SVOPL: variants seen among roughly 807,000 people sequenced by gnomAD.
SVOPL encodes putative transporter SVOPL.
A neutral mutation model predicts 61.0 loss-of-function variants in SVOPL; 60 were observed. The ratio of observed to expected loss-of-function variants is 0.98; its 90% CI spans 0.80 to 1.22. The LOEUF (loss-of-function observed/expected upper bound fraction) is 1.22, where lower values mean the gene tolerates loss of function less well. Among genes scored for constraint, SVOPL ranks in the 50% most tolerant of loss-of-function variants. The probability of loss-of-function intolerance (pLI) is 0.00; values close to 1 mark genes in which losing one functional copy is unlikely to be tolerated. For synonymous variants in SVOPL, 279 were observed against 250.0 expected (o/e 1.12, Z -1.09); for missense variants, 662 against 643.9 (o/e 1.03, Z -0.30).
chr7:138,628,189 G>A lies in SVOPL; in HGVS notation c.1038C>T (p.Thr346=), dbSNP rs749358550. The A allele has an allele frequency of 1.2e-5, 19 of 1,614,058 alleles. No homozygotes were observed. Among genetic ancestry groups the A allele is most frequent in the Admixed American group, 6.7e-5 (4 of 59,980 alleles). The part of the protein sequence containing the change: ...CHMFAPSDYR[T]MIISTIGEIA... Reference sequence around the variant, plus strand: ...TTTCACCGATGGTGCTGATGATCATGGTCCGATAGTCAGAGGGTGCAAACA... The same window carrying A: ...TTTCACCGATGGTGCTGATGATCATAGTCCGATAGTCAGAGGGTGCAAACA... Residue 346 remains threonine (T), a synonymous_variant, in exon 11 of 16, where the codon ACC becomes ACT. Transcript: ENST00000674285.
intron 4 of SVOPL, chr7:138,664,177 C>G (rs1267166086): frequency 3.1e-6 from 3 of 961,236 alleles, no homozygotes; most frequent in Non-Finnish European, 3.7e-6. Context: ...TCTTGTGCAC[C>G]CTACCCTGCC....
At chr7:138,672,257 T>C (rs953320020) in intron 3 of SVOPL, 140 bp from the exon 4 acceptor site, 21 of 691,900 alleles carry the variant, frequency 3.0e-5, no homozygotes, top group Non-Finnish European at 5.1e-5. Context: ...ATACCCACAC[T>C]GCACTGCTAG....
In SVOPL at chr7:138,648,660, G is replaced by A. The variant is rs540512382; in HGVS notation, c.660+352C>T. On this transcript the variant is annotated intron_variant, in intron 8 of 15. Coordinates refer to ENST00000674285, the MANE Select transcript of SVOPL (RefSeq NM_001139456.2). ...GAGGCGGAGCTTGCAGTGAGCCGAG[G>A]TCGCGCCACTGCACTCCAGCCTGGG... Among the ~76,000 whole-genome samples the A allele has an allele frequency of 5.3e-5, 8 of 151,626 alleles. No homozygotes were observed. In the East Asian group the frequency reaches 1.6e-3, roughly 30 times the overall value.
intron 11 of SVOPL, among the ~76,000 whole-genome samples, chr7:138,627,841 T>C (rs1799961407): frequency 6.6e-6 from 1 of 152,176 alleles, no homozygotes; most frequent in East Asian, 1.9e-4. Flanking sequence ...TCATTTTATG[T>C]CTACTAAAAT....
At chr7:138,685,780 GAGAA>G (rs1802795951) in intron 1 of SVOPL, among the ~76,000 whole-genome samples, 3 of 152,068 alleles carry the variant, frequency 2.0e-5, no homozygotes, top group East Asian at 3.9e-4. Context: ...CCTGAGGCAG[GAGAA>G]TCACTTAAAC....
intron 14 of SVOPL, among the ~76,000 whole-genome samples, chr7:138,601,422 C>T (rs534398128): frequency 2.2e-4 from 33 of 151,252 alleles, no homozygotes; most frequent in South Asian, 4.2e-4. Flanking sequence ...AAGAAGAGTC[C>T]GCCTTGAAAA....
At chr7:138,658,876 G>GCCCCAA (rs915527462) in intron 6 of SVOPL, among the ~76,000 whole-genome samples, 8 of 94,092 alleles carry the variant, frequency 8.5e-5, no homozygotes, top group African/African-American at 1.2e-4. Context: ...GTGCCCCCCC[G>GCCCCAA]CCCCAACCCC....
intron 9 of SVOPL, among the ~76,000 whole-genome samples, chr7:138,634,958 T>C (rs1189748660): frequency 1.3e-5 from 2 of 151,962 alleles, no homozygotes; most frequent in Non-Finnish European, 2.9e-5. Flanking sequence ...AGCGAGAACC[T>C]GTCTCAGAAA....
At position 138,663,111 on chromosome 7, in the gene SVOPL, A is replaced by T. The variant is rs1226938582; in HGVS notation, c.308T>A (p.Leu103His). Residue 103 changes from leucine (L) to histidine (H), a missense_variant, in exon 5 of 16, where the codon CTC (leucine) becomes CAC (histidine). Physicochemically the swap from Leu to His is moderately conservative, Grantham distance 99. Transcript: ENST00000674285. ...ATATCTGTCAGCCAGGAGGCCAAAGAGGATACTGAAAACCATGTAGCCAAA... is the reference window on the plus strand; with the variant it reads ...ATATCTGTCAGCCAGGAGGCCAAAGTGGATACTGAAAACCATGTAGCCAAA... ...VFFGYMVFSI[L>H]FGLLADRYGR... The T allele has an allele frequency of 6.2e-7, 1 of 1,614,068 alleles. No individual in the cohort carries two copies. The highest frequency in any genetic ancestry group is 8.5e-7 in the Non-Finnish European group (1 of 1,180,048).
At position 138,599,171 on chromosome 7, in the gene SVOPL, A is replaced by C. The variant is rs553390800; in HGVS notation, c.1354-2641T>G. Among the ~76,000 whole-genome samples, 273 of 148,598 alleles carry C rather than the reference A, an allele frequency of 1.8e-3. 2 individuals carry two copies. The highest frequency in any genetic ancestry group is 6.5e-3 in the African/African-American group (262 of 40,200). On this transcript the variant is annotated intron_variant, in intron 14 of 15. Coordinates refer to ENST00000674285, the MANE Select transcript of SVOPL (RefSeq NM_001139456.2). ...AAAAAAAAAAAACCAAAAAAAAAAGAAATACAGAAATGTCAAAAGACAAAT... is the reference window on the plus strand; with the variant it reads ...AAAAAAAAAAAACCAAAAAAAAAAGCAATACAGAAATGTCAAAAGACAAAT...
intron 14 of SVOPL, among the ~76,000 whole-genome samples, chr7:138,603,235 G>A (rs1257045584): frequency 6.6e-6 from 1 of 152,138 alleles, no homozygotes; most frequent in Non-Finnish European, 1.5e-5. Context: ...GAAACAAGCA[G>A]GCTTCCAAAT....
intron 8 of SVOPL, among the ~76,000 whole-genome samples, chr7:138,645,176 C>T (rs868356321): frequency 1.3e-5 from 2 of 152,068 alleles, no homozygotes; most frequent in African/African-American, 4.8e-5. Flanking sequence ...CTCTCCACCC[C>T]CTCCCCCTCT....
At chr7:138,656,356 G>T (rs1277909837) in intron 7 of SVOPL, 92 bp downstream of exon 7, 2 of 1,315,332 alleles carry the variant, frequency 1.5e-6, no homozygotes, top group Admixed American at 1.9e-5. Flanking sequence ...CAGCGAGCTG[G>T]TACCAAACCA....
chr7:138,673,716 G>A (rs548161739), intron 3 of SVOPL, among the ~76,000 whole-genome samples: 1 of 152,304 alleles, frequency 6.6e-6, no homozygotes, highest in East Asian at 1.9e-4. Context: ...AGAAGAGCTA[G>A]ATCCATATTC....
chr7:138,685,418 T>C (rs1222777310), intron 1 of SVOPL, among the ~76,000 whole-genome samples: 3 of 152,140 alleles, frequency 2.0e-5, no homozygotes, highest in South Asian at 4.1e-4. Flanking sequence ...GAATAGTGGA[T>C]GCCATTCTGA....
intron 1 of SVOPL, among the ~76,000 whole-genome samples, chr7:138,697,693 G>A (rs1237262473): frequency 6.7e-6 from 1 of 148,612 alleles, no homozygotes; most frequent in Non-Finnish European, 1.5e-5. Context: ...AGAGGAAGAA[G>A]AAGAGGAAGA....
At chr7:138,626,242 C>A in intron 12 of SVOPL, 192 bp from the exon 13 acceptor site, 2 of 593,948 alleles carry the variant, frequency 3.4e-6, no homozygotes, top group East Asian at 2.9e-5. Context: ...ACTCCCACTG[C>A]CTTCTCCATT....
In SVOPL at chr7:138,688,505, A is replaced by G. The variant is rs200588091; in HGVS notation, c.-34-9426T>C. Among the ~76,000 whole-genome samples the G allele has an allele frequency of 4.6e-5, 7 of 152,228 alleles. No homozygotes were observed. In the East Asian group the frequency reaches 1.2e-3, roughly 25 times the overall value. ...GGCTGGTCTTGAACTCCTGACCTCC[A>G]GTGGTCCACCTGCCTTGGCCTCCCA... is the stretch of plus-strand genomic sequence containing the variant. On this transcript the variant is annotated intron_variant, in intron 1 of 15. Coordinates refer to ENST00000674285, the MANE Select transcript of SVOPL (RefSeq NM_001139456.2).
At chr7:138,694,502 T>G (rs1291485692) in intron 1 of SVOPL, among the ~76,000 whole-genome samples, 1 of 152,092 alleles carries the variant, frequency 6.6e-6, no homozygotes, top group Non-Finnish European at 1.5e-5. Context: ...TGCCTCTGCC[T>G]CCCAAAGTGC....
Sources: allele counts gnomAD v4.1 joint callset (sites outside exome capture counted in the v4.1 genomes callset), GRCh38; gene constraint gnomAD v4.1.1; transcripts MANE v1.5; gene names NCBI Gene and HGNC (gene_info 2026-07-23, HGNC 2026-07-21).